The following CFAP77 variants were observed in gnomAD, a reference collection of about 807,000 sequenced individuals.
CFAP77 encodes cilia- and flagella-associated protein 77.
In CFAP77, 25 loss-of-function variants were observed where a neutral mutation model predicts 31.1. The observed-to-expected ratio is 0.80, with a 90% CI of 0.59 to 1.12. CFAP77 has a LOEUF of 1.12. Ranked by LOEUF, CFAP77 falls within the 50% of genes most tolerant of loss-of-function variation. The pLI, the probability that CFAP77 is intolerant of heterozygous loss-of-function variation, is 0.00. For missense variants in CFAP77, 377 were observed against 397.3 expected, an observed-to-expected ratio of 0.95 and a Z score of 0.44; for synonymous variants, 151 against 159.9, an observed-to-expected ratio of 0.94 and a Z score of 0.42.
intron 3 of CFAP77, among the ~76,000 whole-genome samples, chr9:132,505,158 C>T (rs1297896435): frequency 6.6e-6 from 1 of 152,254 alleles, no homozygotes. Flanking sequence ...GGGGTTGTGA[C>T]TGCCACCCTG....
At chr9:132,507,966 G>C (rs1851962793) in intron 3 of CFAP77, among the ~76,000 whole-genome samples, 1 of 152,210 alleles carries the variant, frequency 6.6e-6, no homozygotes, top group Non-Finnish European at 1.5e-5. Flanking sequence ...GACTGCGACT[G>C]TCGTTAATAC....
chr9:132,433,329 G>A (rs374765560), intron 1 of CFAP77, among the ~76,000 whole-genome samples: 2 of 152,204 alleles, frequency 1.3e-5, no homozygotes, highest in East Asian at 1.9e-4. Flanking sequence ...CCGTACTCGT[G>A]TGTGAGCTCT....
Position 132,424,510 on chromosome 9 carries a change from A to C in CFAP77, c.195+14044A>C, listed in dbSNP as rs895586617. On this transcript the variant is annotated intron_variant, in intron 1 of 5. Transcript: ENST00000393216. This position sits in a 1 kb window ranked among gnomAD's most constrained non-coding sequence, Gnocchi z 4.1. ...GAGAAGAGGAGGGACAGGTGTAGAC[A>C]ATGGCTAGACAAGGTGAGAAATTGG... Among the ~76,000 whole-genome samples, 4 of 152,192 alleles carry C rather than the reference A, an allele frequency of 2.6e-5. No homozygotes were observed. Among genetic ancestry groups the C allele is most frequent in the Admixed American group, 2.0e-4 (3 of 15,278 alleles).
chr9:132,431,991 T>C (rs1850418392), intron 1 of CFAP77, among the ~76,000 whole-genome samples: 1 of 152,008 alleles, frequency 6.6e-6, no homozygotes, highest in Non-Finnish European at 1.5e-5. Flanking sequence ...TCCTAAAAAT[T>C]AACAAAACCA....
chr9:132,543,037 A>C lies in CFAP77; in HGVS notation c.722A>C (p.His241Pro). Residue 241 changes from histidine to proline, a missense_variant, in exon 5 of 6, where the codon CAC becomes CCC. By Grantham distance (77) the His-to-Pro change is moderately conservative (BLOSUM62 -2). Transcript: ENST00000393216. Reference protein sequence around the residue: ...VKLDTLWHMPHFQKVGRHLDT... With the variant: ...VKLDTLWHMPPFQKVGRHLDT... ...CTGGACACCCTCTGGCACATGCCTCACTTCCAGAAGGTCAGTGTCACCTTC... is the reference window on the plus strand; with the variant it reads ...CTGGACACCCTCTGGCACATGCCTCCCTTCCAGAAGGTCAGTGTCACCTTC... The C allele has an allele frequency of 6.2e-7, 1 of 1,613,700 alleles. No homozygotes were observed. Among genetic ancestry groups the C allele is most frequent in the East Asian group, 2.2e-5 (1 of 44,876 alleles).
chr9:132,504,969 C>T (rs370098582), intron 3 of CFAP77, among the ~76,000 whole-genome samples: 8 of 152,194 alleles, frequency 5.3e-5, no homozygotes, highest in African/African-American at 1.4e-4. Context: ...ACACCAAATC[C>T]GATTACACCC....
At chr9:132,533,029 G>A (rs1852484289) in intron 3 of CFAP77, among the ~76,000 whole-genome samples, 1 of 152,204 alleles carries the variant, frequency 6.6e-6, no homozygotes, top group South Asian at 2.1e-4. Context: ...ATAATCGCCT[G>A]CACCTTCATG....
intron 3 of CFAP77, among the ~76,000 whole-genome samples, chr9:132,529,744 T>C (rs1022127228): frequency 6.6e-6 from 1 of 150,736 alleles, no homozygotes; most frequent in African/African-American, 2.4e-5. Context: ...GAGAGTTGCT[T>C]GAACCCGGGA....
At chr9:132,537,400 G>A (rs565986275) in intron 3 of CFAP77, among the ~76,000 whole-genome samples, 6 of 152,266 alleles carry the variant, frequency 3.9e-5, no homozygotes, top group African/African-American at 9.6e-5. Flanking sequence ...TCCTACCACC[G>A]TCCCAGGCCC....
chr9:132,569,419 TA>T (rs1564255622), intron 5 of CFAP77, among the ~76,000 whole-genome samples: 1 of 151,186 alleles, frequency 6.6e-6, no homozygotes, highest in Non-Finnish European at 1.5e-5. Flanking sequence ...CGGAGGGTGG[TA>T]GGGGGGAAAA....
At chr9:132,572,364 C>T (rs1412584477) in intron 5 of CFAP77, 24 bp from the exon 6 acceptor site, 1 of 1,609,638 alleles carries the variant, frequency 6.2e-7, no homozygotes, top group East Asian at 2.2e-5. Flanking sequence ...CCCTCACCCA[C>T]CCACTCTTCC....
At chr9:132,502,265 A>ATATATTT (rs1469260414) in intron 3 of CFAP77, among the ~76,000 whole-genome samples, 3 of 83,882 alleles carry the variant, frequency 3.6e-5, no homozygotes, top group Admixed American at 2.5e-4. Context: ...ATATATATAT[A>ATATATTT]TTTTTTTTTT....
At chr9:132,414,986 A>G (rs1301171210) in intron 1 of CFAP77, among the ~76,000 whole-genome samples, 1 of 152,216 alleles carries the variant, frequency 6.6e-6, no homozygotes, top group Non-Finnish European at 1.5e-5. Flanking sequence ...GGCAGACAAA[A>G]GCCCAGTTGT....
chr9:132,417,972 A>G (rs1263161728), intron 1 of CFAP77, among the ~76,000 whole-genome samples: 1 of 152,186 alleles, frequency 6.6e-6, no homozygotes, highest in Non-Finnish European at 1.5e-5. Context: ...GAGTGAAACC[A>G]TCCAATTTCT....
intron 1 of CFAP77, among the ~76,000 whole-genome samples, chr9:132,419,525 A>T (rs1589838902): frequency 6.6e-6 from 1 of 152,238 alleles, no homozygotes; most frequent in Non-Finnish European, 1.5e-5. Flanking sequence ...AGGGAATTAG[A>T]AAATTTACTG....
chr9:132,549,807 C>T (rs1488699417), intron 5 of CFAP77, among the ~76,000 whole-genome samples: 1 of 151,570 alleles, frequency 6.6e-6, no homozygotes. Flanking sequence ...CCACTACACT[C>T]CAGCCTGGGT....
At position 132,543,015 on chromosome 9, in the gene CFAP77, G is replaced by A. The variant is rs372180431; in HGVS notation, c.700G>A (p.Asp234Asn). ...LRKYKPPVKL[D>N]TLWHMPHFQK... is the part of the protein sequence containing the mutation. ...GAAGTACAAGCCGCCCGTGAAGCTG[G>A]ACACCCTCTGGCACATGCCTCACTT... Residue 234 changes from aspartate (D) to asparagine (N), a missense_variant, in exon 5 of 6, where the codon GAC becomes AAC. Transcript: ENST00000393216. The A allele has an allele frequency of 6.8e-6, 11 of 1,613,994 alleles. No individual in the cohort carries two copies. The highest frequency in any genetic ancestry group is 1.3e-5 in the African/African-American group (1 of 74,892).
intron 3 of CFAP77, among the ~76,000 whole-genome samples, chr9:132,529,454 A>G (rs1412066272): frequency 7.6e-6 from 1 of 131,012 alleles, no homozygotes; most frequent in Non-Finnish European, 1.7e-5. Flanking sequence ...ACATGTATAC[A>G]TATGTAACTA....
chr9:132,441,395 G>T, intron 1 of CFAP77, among the ~76,000 whole-genome samples: 1 of 152,160 alleles, frequency 6.6e-6, no homozygotes. Context: ...CTGAAATACG[G>T]CATGTTTTTA....
Sources: allele counts gnomAD v4.1 joint callset (sites outside exome capture counted in the v4.1 genomes callset), GRCh38; gene constraint gnomAD v4.1.1; non-coding constraint Gnocchi (gnomAD v3.1); transcripts MANE v1.5; gene names NCBI Gene and HGNC (gene_info 2026-07-23, HGNC 2026-07-21).